Variants in ARHGAP10 observed in about 807,000 individuals in gnomAD.
ARHGAP10 encodes the protein Rho GTPase activating protein 10.
In ARHGAP10, 87 loss-of-function variants were observed where a neutral mutation model predicts 108.6. The observed-to-expected ratio is 0.80, with a 90% CI of 0.67 to 0.96. The LOEUF is 0.96. Ranked by LOEUF, ARHGAP10 falls within the 40% of genes least tolerant of loss-of-function variation. The pLI, the probability that ARHGAP10 is intolerant of heterozygous loss-of-function variation, is 0.00. For missense variants in ARHGAP10, 939 were observed against 954.5 expected, an observed-to-expected ratio of 0.98 and a Z score of 0.21; for synonymous variants, 347 against 341.1, an observed-to-expected ratio of 1.02 and a Z score of -0.19.
At position 147,899,704 on chromosome 4, in the gene ARHGAP10, A is replaced by G. The variant is rs545142165; in HGVS notation, c.1035-6934A>G. 9.2e-5 allele frequency among the ~76,000 whole-genome samples: 10 copies of G among 108,222 alleles called. No homozygotes were observed. The South Asian group carries it at 4.0e-3, about 43-fold the overall frequency. The allele number at this position is 108,222 out of a possible 152,430, so 71.0% of individuals were successfully genotyped here. ...TTGACCTTGAGTAAAATTAGGCAACATGCTTTTATCATCTCTGGAAAAAAT... is the reference window on the plus strand; with the variant it reads ...TTGACCTTGAGTAAAATTAGGCAACGTGCTTTTATCATCTCTGGAAAAAAT... On this transcript the variant is annotated intron_variant, in intron 10 of 22. Coordinates refer to ENST00000336498, the MANE Select transcript of ARHGAP10 (RefSeq NM_024605.4).
intron 18 of ARHGAP10, among the ~76,000 whole-genome samples, chr4:147,973,829 T>G (rs1205058611): frequency 2.0e-5 from 3 of 152,192 alleles, no homozygotes; most frequent in African/African-American, 7.2e-5. Flanking sequence ...TTAACATAAT[T>G]ACCTTCAGTT....
At chr4:147,808,312 A>C (rs1731868231) in intron 1 of ARHGAP10, among the ~76,000 whole-genome samples, 1 of 151,976 alleles carries the variant, frequency 6.6e-6, no homozygotes, top group Non-Finnish European at 1.5e-5. Context: ...GCAAGGAAGG[A>C]AAAAACTTTG....
chr4:147,906,310 A>T (rs1490648447), intron 10 of ARHGAP10, among the ~76,000 whole-genome samples: 1 of 152,204 alleles, frequency 6.6e-6, no homozygotes, highest in Non-Finnish European at 1.5e-5. Context: ...TTGTGAATGG[A>T]TAAGAAAAAT....
rs564633619 is a variant in ARHGAP10 at position 147,813,224 on chromosome 4, A to G, written c.155-9503A>G. Among the ~76,000 whole-genome samples the G allele has an allele frequency of 3.9e-5, 6 of 151,988 alleles. No individual in the cohort carries two copies. In the East Asian group the frequency reaches 1.2e-3, roughly 29 times the overall value. ...ATTTTGGCCTTTAAGGGATGTTTTT[A>G]TACTCACTGGCCTATACCCGAGTTG... On this transcript the variant is annotated intron_variant, in intron 1 of 22. Coordinates refer to ENST00000336498, the MANE Select transcript of ARHGAP10 (RefSeq NM_024605.4).
At chr4:147,993,960 GATGT>G (rs1377632098) in intron 18 of ARHGAP10, among the ~76,000 whole-genome samples, 1 of 152,226 alleles carries the variant, frequency 6.6e-6, no homozygotes, top group Non-Finnish European at 1.5e-5. Flanking sequence ...AGATAGTATT[GATGT>G]ATCTGCAGTT....
At chr4:147,782,894 A>G (rs1322206209) in intron 1 of ARHGAP10, among the ~76,000 whole-genome samples, 1 of 143,436 alleles carries the variant, frequency 7.0e-6, no homozygotes, top group Non-Finnish European at 1.5e-5. Context: ...TATAACATAT[A>G]TTACGTATTA....
chr4:147,969,125 A>G (rs1739307858), intron 18 of ARHGAP10, among the ~76,000 whole-genome samples: 1 of 152,200 alleles, frequency 6.6e-6, no homozygotes, highest in Admixed American at 6.5e-5. Flanking sequence ...ACAGGCAAAC[A>G]GAAATGTAGT....
rs28375864 is a variant in ARHGAP10, at chr4:147,994,841, C to T, written c.1716+28002C>T. 7.4e-3 allele frequency among the ~76,000 whole-genome samples: 1,122 copies of T among 152,212 alleles called. 9 individuals carry two copies. The highest frequency in any genetic ancestry group is 0.019 in the African/African-American group (770 of 41,506). On this transcript the variant is annotated intron_variant, in intron 18 of 22. Coordinates refer to ENST00000336498, the MANE Select transcript of ARHGAP10 (RefSeq NM_024605.4). ...TTAGGTGGAAATGGGGGGAAATGACCGCTAAGAGGATTAGTCATTATTTTC... is the reference window on the plus strand; with the variant it reads ...TTAGGTGGAAATGGGGGGAAATGACTGCTAAGAGGATTAGTCATTATTTTC...
intron 16 of ARHGAP10, among the ~76,000 whole-genome samples, chr4:147,958,717 G>C (rs1312631748): frequency 1.3e-5 from 2 of 152,204 alleles, no homozygotes; most frequent in Non-Finnish European, 2.9e-5. Flanking sequence ...CTTGGGAAGT[G>C]CTTGGATGGT....
At chr4:147,896,195 G>T (rs1735987433) in intron 10 of ARHGAP10, among the ~76,000 whole-genome samples, 1 of 152,028 alleles carries the variant, frequency 6.6e-6, no homozygotes, top group East Asian at 1.9e-4. Flanking sequence ...GTCCTTCTCT[G>T]GTTTTGGTAC....
intron 13 of ARHGAP10, among the ~76,000 whole-genome samples, chr4:147,936,023 A>G (rs938711530): frequency 5.3e-5 from 8 of 152,108 alleles, no homozygotes; most frequent in African/African-American, 1.7e-4. Flanking sequence ...TCTCCATATA[A>G]TTCAGGCCGT....
At chr4:148,029,095 T>TAAATAGTGTATATGG (rs1432539221) in intron 19 of ARHGAP10, among the ~76,000 whole-genome samples, 2 of 152,174 alleles carry the variant, frequency 1.3e-5, no homozygotes, top group Non-Finnish European at 2.9e-5. Context: ...TGTCTTGGTA[T>TAAATAGTGTATATGG]AAATAGTGTA....
At chr4:147,885,489 A>G (rs954417073) in intron 10 of ARHGAP10, among the ~76,000 whole-genome samples, 7 of 152,152 alleles carry the variant, frequency 4.6e-5, no homozygotes, top group Non-Finnish European at 1.0e-4. Flanking sequence ...CCCACAACAT[A>G]TGGGGATTAT....
intron 1 of ARHGAP10, among the ~76,000 whole-genome samples, chr4:147,761,468 A>G (rs890131078): frequency 1.3e-4 from 20 of 152,298 alleles, no homozygotes; most frequent in African/African-American, 4.8e-4. Flanking sequence ...GGGTGGCGCC[A>G]ACAGCATTTG....
chr4:148,043,215 G>T (rs117080031), intron 19 of ARHGAP10, among the ~76,000 whole-genome samples: 1 of 152,152 alleles, frequency 6.6e-6, no homozygotes, highest in Non-Finnish European at 1.5e-5. Flanking sequence ...ATCTGAGGAT[G>T]CTGCAAGGAA....
At chr4:147,869,622 G>T (rs1201058084) in intron 7 of ARHGAP10, among the ~76,000 whole-genome samples, 1 of 151,416 alleles carries the variant, frequency 6.6e-6, no homozygotes, top group Non-Finnish European at 1.5e-5. Flanking sequence ...GTCACTTAAG[G>T]ATGTGGTCAT....
chr4:147,891,047 C>G (rs1735777861), intron 10 of ARHGAP10, among the ~76,000 whole-genome samples: 1 of 152,148 alleles, frequency 6.6e-6, no homozygotes, highest in Non-Finnish European at 1.5e-5. Flanking sequence ...AAATGGAATG[C>G]TGCTTTGGAA....
At chr4:148,021,222 T>C (rs986292837) in intron 18 of ARHGAP10, among the ~76,000 whole-genome samples, 1 of 152,036 alleles carries the variant, frequency 6.6e-6, no homozygotes, top group African/African-American at 2.4e-5. Flanking sequence ...TCATTTTGCT[T>C]GGTAGTCTGG....
At chr4:148,047,442 A>G (rs1393536592) in intron 20 of ARHGAP10, among the ~76,000 whole-genome samples, 1 of 152,258 alleles carries the variant, frequency 6.6e-6, no homozygotes, top group Non-Finnish European at 1.5e-5. Flanking sequence ...TTTTACTTAC[A>G]TGAATTTCTG....
Sources: gnomAD v4.1 joint callset for allele counts (sites outside exome capture counted in the v4.1 genomes callset) on GRCh38, gnomAD v4.1.1 for gene constraint, MANE v1.5 for transcripts, NCBI Gene and HGNC (gene_info 2026-07-23, HGNC 2026-07-21) for gene names.